Variants in NPHP4 observed in about 807,000 individuals in gnomAD.
NPHP4 encodes nephrocystin 4.
NPHP4 carries 151 observed loss-of-function variants against 155.8 expected under a neutral mutation model. The observed-to-expected ratio is 0.97, with a 90% confidence interval of 0.85 to 1.11. The LOEUF is 1.11. NPHP4 is among the 50% of genes least tolerant of loss of function. The pLI is 0.00. For missense variants in NPHP4, 1,956 were observed against 1,925.7 expected, an observed-to-expected ratio of 1.02 and a Z score of -0.29; for synonymous variants, 845 against 816.8, an observed-to-expected ratio of 1.03 and a Z score of -0.59.
In NPHP4 at chr1:5,867,477, C is replaced by A; in HGVS notation, c.3472+263G>T. ...GTGAGGAGGTAGGTGTTCCTCCAGG[C>A]ACACCTGGACCTGGGCCGCGGGAGC... is the stretch of plus-strand genomic sequence containing the variant. On this transcript the variant is annotated intron_variant, in intron 24 of 29. Transcript: ENST00000378156. The surrounding 1 kb of genome is among the most constrained non-coding windows in gnomAD (Gnocchi z 4.1). The A allele has an allele frequency of 3.5e-6, 2 of 568,022 alleles. No homozygotes were observed. Among genetic ancestry groups the A allele is most frequent in the Non-Finnish European group, 6.3e-6 (2 of 318,290 alleles). The allele number at this position is 568,022 out of a possible 1,614,324, so 35.2% of individuals were successfully genotyped here.
At chr1:5,920,780 T>C (rs2101579873) in intron 11 of NPHP4, among the ~76,000 whole-genome samples, 1 of 152,360 alleles carries the variant, frequency 6.6e-6, no homozygotes, top group South Asian at 2.1e-4. Flanking sequence ...TCATATGTAT[T>C]GCAAATATCT....
At position 5,867,081 on chromosome 1, in the gene NPHP4, T is replaced by TG. The variant is rs775221217; in HGVS notation, c.3506dup (p.Val1170SerfsTer13). 2 of 1,612,870 alleles carry TG rather than the reference T, an allele frequency of 1.2e-6. No homozygotes were observed. The highest frequency in any genetic ancestry group is 1.3e-5 in the African/African-American group (1 of 74,882). Reference sequence around the variant, plus strand: ...TCGGGTCGCTGCAGCGAACATGGACTGGGGGGTCCTCACCAAGCATTCCCA... The same window carrying TG: ...TCGGGTCGCTGCAGCGAACATGGACTGGGGGGGTCCTCACCAAGCATTCCCA... On this transcript the variant is annotated frameshift_variant, in exon 25 of 30. Coordinates refer to ENST00000378156, the MANE Select transcript of NPHP4 (RefSeq NM_015102.5). LOFTEE classifies it high-confidence loss of function. This position sits in a 1 kb window ranked among gnomAD's most constrained non-coding sequence, Gnocchi z 4.1.
rs1641231079 is a variant in NPHP4, at chr1:5,866,402, C to T, written c.3615G>A (p.Glu1205=). The T allele has an allele frequency of 1.2e-6, 2 of 1,609,414 alleles. No individual in the cohort carries two copies. Among genetic ancestry groups the T allele is most frequent in the Non-Finnish European group, 1.7e-6 (2 of 1,177,570 alleles). ...AAATGATGACAAAGAAGTCTTTGAT[C>T]TCCGGGCTTGGACCACTGGCCACCT... The part of the protein sequence containing the change: ...FLKVASGPSP[E]IKDFFVIIYS... Residue 1205 remains glutamate (E), a synonymous_variant, in exon 26 of 30, where the codon GAG becomes GAA. Coordinates refer to ENST00000378156, the MANE Select transcript of NPHP4 (RefSeq NM_015102.5).
At chr1:5,898,737 T>C (rs1357529764) in intron 16 of NPHP4, among the ~76,000 whole-genome samples, 3 of 152,220 alleles carry the variant, frequency 2.0e-5, no homozygotes, top group African/African-American at 7.2e-5. Flanking sequence ...GGAATTGGCT[T>C]GTCTAAATTT....
Position 5,892,321 on chromosome 1 carries a change from G to A in NPHP4, c.2144-1293C>T, listed in dbSNP as rs1324902371. The stretch of plus-strand genomic sequence containing the variant: ...TTGGGAGGCTGGTCAGAGGAGCCTA[G>A]ACCAGGATGGCCCCGTGCCTAGCAT... On this transcript the variant is annotated intron_variant, in intron 16 of 29. Coordinates refer to ENST00000378156, the MANE Select transcript of NPHP4 (RefSeq NM_015102.5). This position sits in a 1 kb window ranked among gnomAD's most constrained non-coding sequence, Gnocchi z 4.5. 6.6e-6 allele frequency among the ~76,000 whole-genome samples: 1 copy of A among 152,112 alleles called. No individual in the cohort carries two copies. Among genetic ancestry groups the A allele is most frequent in the East Asian group, 1.9e-4 (1 of 5,176 alleles).
intron 5 of NPHP4, among the ~76,000 whole-genome samples, chr1:5,966,244 C>CGTTTT (rs930532148): frequency 2.6e-5 from 4 of 152,018 alleles, no homozygotes; most frequent in African/African-American, 9.7e-5. Context: ...GTGGGTTTGA[C>CGTTTT]GTTTTGTTTT....
chr1:5,878,322 C>T (rs943159950), intron 19 of NPHP4, among the ~76,000 whole-genome samples: 4 of 152,372 alleles, frequency 2.6e-5, no homozygotes, highest in Non-Finnish European at 4.4e-5. Context: ...ATTTTAACGC[C>T]GGCAAACTGC....
chr1:5,933,135 C>A lies in NPHP4; in HGVS notation c.1302+12G>T. On this transcript the variant is annotated intron_variant, in intron 10 of 29. Transcript: ENST00000378156. ...CTCACCGGAGATGCATAAGAAATAC[C>A]TAATAATTTACCTCTTCAGAGCTCA... is the stretch of plus-strand genomic sequence containing the variant. The A allele has an allele frequency of 6.6e-7, 1 of 1,518,616 alleles. No homozygotes were observed. Among genetic ancestry groups the A allele is most frequent in the Non-Finnish European group, 8.9e-7 (1 of 1,125,786 alleles). 94.1% of individuals were successfully genotyped at this position (1,518,616 alleles called of 1,614,324 possible).
At chr1:5,881,199 T>C (rs1050643664) in intron 18 of NPHP4, 1 of 152,210 alleles carries the variant, frequency 6.6e-6, no homozygotes, top group South Asian at 2.1e-4. Context: ...CCAGGTTCCT[T>C]CCCCTCTTGC....
chr1:5,921,728 G>A (rs1252485825), intron 11 of NPHP4, among the ~76,000 whole-genome samples: 1 of 152,140 alleles, frequency 6.6e-6, no homozygotes, highest in African/African-American at 2.4e-5. Flanking sequence ...TTGATTTGGA[G>A]GACTTCTTTC....
Position 5,904,676 on chromosome 1 carries a change from C to A in NPHP4, c.2084G>T (p.Ser695Ile). 6.2e-7 allele frequency: 1 copy of A among 1,613,950 alleles called. No homozygotes were observed. Among genetic ancestry groups the A allele is most frequent in the Non-Finnish European group, 8.5e-7 (1 of 1,179,864 alleles). The part of the protein sequence containing the change: ...LVQLDEAGQP[S>I]SGALTHILVP... ...GAGGATGTGGGTCAGGGCGCCAGAGCTGGGCTGGCCGGCCTCATCCAGCTG... is the reference window on the plus strand; with the variant it reads ...GAGGATGTGGGTCAGGGCGCCAGAGATGGGCTGGCCGGCCTCATCCAGCTG... Residue 695 changes from serine to isoleucine, a missense_variant, in exon 16 of 30, where the codon AGC becomes ATC. By Grantham distance (142) the Ser-to-Ile change is moderately radical. Coordinates refer to ENST00000378156, the MANE Select transcript of NPHP4 (RefSeq NM_015102.5).
intron 11 of NPHP4, among the ~76,000 whole-genome samples, chr1:5,918,968 T>C (rs1273449912): frequency 1.3e-5 from 2 of 152,240 alleles, no homozygotes; most frequent in Non-Finnish European, 2.9e-5. Context: ...CTCTGGATTA[T>C]GACATAAGAG....
chr1:5,914,106 C>T (rs151220104), intron 11 of NPHP4, among the ~76,000 whole-genome samples: 1 of 152,118 alleles, frequency 6.6e-6, no homozygotes, highest in African/African-American at 2.4e-5. Flanking sequence ...TCCAGCGTCA[C>T]CTCACCAGAC....
chr1:5,953,176 A>G (rs2102009698), intron 6 of NPHP4, among the ~76,000 whole-genome samples: 1 of 152,200 alleles, frequency 6.6e-6, no homozygotes, highest in Middle Eastern at 3.4e-3. Flanking sequence ...GTGTGATCTC[A>G]GCTCACTGCA....
chr1:5,991,145 G>A (rs898625333), intron 1 of NPHP4, among the ~76,000 whole-genome samples: 6 of 152,084 alleles, frequency 3.9e-5, no homozygotes, highest in African/African-American at 1.4e-4. Context: ...AGACCCAGAT[G>A]CCTTGGGGAG....
In NPHP4 at chr1:5,910,781, C is replaced by A. The variant is rs1250929407; in HGVS notation, c.1442-1568G>T. On this transcript the variant is annotated intron_variant, in intron 11 of 29. Transcript: ENST00000378156. The surrounding 1 kb of genome is among the most constrained non-coding windows in gnomAD (Gnocchi z 5.4). ...ACCATCGGAGCCAATCCCCGCCGTG[C>A]CTCTCCCAGCAGCTTCCAGAACCCA... Among the ~76,000 whole-genome samples the A allele has an allele frequency of 2.0e-5, 3 of 152,236 alleles. No individual in the cohort carries two copies. Among genetic ancestry groups the A allele is most frequent in the African/African-American group, 7.2e-5 (3 of 41,468 alleles).
At chr1:5,937,708 C>T (rs1196527879) in intron 9 of NPHP4, among the ~76,000 whole-genome samples, 2 of 152,232 alleles carry the variant, frequency 1.3e-5, no homozygotes, top group African/African-American at 2.4e-5. Context: ...AGGGGAACTG[C>T]CACCTCGATG....
intron 4 of NPHP4, among the ~76,000 whole-genome samples, chr1:5,968,728 T>G (rs540496277): frequency 1.3e-5 from 2 of 151,786 alleles, no homozygotes; most frequent in East Asian, 3.9e-4. Context: ...TAAACCACCA[T>G]AGAAAGATGC....
chr1:5,898,637 C>T (rs904889050), intron 16 of NPHP4, among the ~76,000 whole-genome samples: 3 of 152,236 alleles, frequency 2.0e-5, no homozygotes, highest in African/African-American at 7.2e-5. Context: ...CTCCCATCTA[C>T]GCGCATTCAC....
Sources: allele counts gnomAD v4.1 joint callset (sites outside exome capture counted in the v4.1 genomes callset), GRCh38; gene constraint gnomAD v4.1.1; non-coding constraint Gnocchi (gnomAD v3.1); transcripts MANE v1.5; gene names NCBI Gene and HGNC (gene_info 2026-07-23, HGNC 2026-07-21).